Variants in DMD observed in about 807,000 individuals in gnomAD.
The protein encoded by DMD is dystrophin.
DMD carries 63 observed loss-of-function variants against 330.1 expected under a neutral mutation model. The ratio of observed to expected loss-of-function variants is 0.19; its 90% CI spans 0.16 to 0.24. DMD has a LOEUF of 0.24. Ranked by LOEUF, DMD falls within the 10% of genes least tolerant of loss-of-function variation. DMD has a pLI of 1.00. For synonymous variants in DMD, 1,223 were observed against 959.8 expected (o/e 1.27, Z -5.07); for missense variants, 3,344 against 2,684.1 (o/e 1.25, Z -5.43).
At chrX:32,469,956 T>A (rs1278523982) in intron 22 of DMD, among the ~76,000 whole-genome samples, 1 of 111,440 alleles carries the variant, frequency 9.0e-6, no homozygotes, top group Non-Finnish European at 1.9e-5. Flanking sequence ...GGAAATTATA[T>A]TAATGTTGTA....
intron 67 of DMD, among the ~76,000 whole-genome samples, chrX:31,200,401 G>A (rs144706390): frequency 6.5e-4 from 73 of 111,566 alleles, no homozygotes; most frequent in African/African-American, 2.0e-3. Context: ...CTTTAAGGGC[G>A]CAAATAAATT....
chrX:32,053,060 G>C (rs1316406476), intron 44 of DMD, among the ~76,000 whole-genome samples: 1 of 111,523 alleles, frequency 9.0e-6, no homozygotes, highest in East Asian at 2.8e-4. Context: ...CCACACCACT[G>C]CTAGATTTAT....
At chrX:31,927,034 T>TA (rs932501183) in intron 47 of DMD, among the ~76,000 whole-genome samples, 2 of 111,955 alleles carry the variant, frequency 1.8e-5, no homozygotes, top group African/African-American at 6.5e-5. Context: ...CTTTTACTTT[T>TA]AAAAAAACTT....
At chrX:32,830,760 G>A (rs969697084) in intron 4 of DMD, among the ~76,000 whole-genome samples, 4 of 111,520 alleles carry the variant, frequency 3.6e-5, no homozygotes, top group African/African-American at 1.3e-4. Flanking sequence ...GTTTTACACT[G>A]TTATCTTCGG....
chrX:32,689,203 T>C (rs2063096181), intron 9 of DMD, among the ~76,000 whole-genome samples: 1 of 110,903 alleles, frequency 9.0e-6, no homozygotes, highest in South Asian at 3.7e-4. Flanking sequence ...TTACTTACAC[T>C]AAATCATTTT....
chrX:31,339,289 C>T (rs2057593147), intron 61 of DMD, among the ~76,000 whole-genome samples: 1 of 111,608 alleles, frequency 9.0e-6, no homozygotes, highest in African/African-American at 3.3e-5. Context: ...AGAAAAGGGC[C>T]ATGACAACAC....
intron 7 of DMD, among the ~76,000 whole-genome samples, chrX:32,778,434 G>A (rs2074389164): frequency 1.8e-5 from 2 of 110,226 alleles, no homozygotes; most frequent in South Asian, 7.7e-4. Context: ...AAACTGAACA[G>A]AAAAAAAACT....
chrX:33,048,496 C>T (rs1376113648), intron 1 of DMD, among the ~76,000 whole-genome samples: 1 of 109,048 alleles, frequency 9.2e-6, no homozygotes, highest in Non-Finnish European at 1.9e-5. Flanking sequence ...TCAAGACCAG[C>T]GTGCCCAACA....
chrX:32,718,432 A>C (rs1285123163), intron 7 of DMD, among the ~76,000 whole-genome samples: 6 of 111,438 alleles, frequency 5.4e-5, no homozygotes, highest in Non-Finnish European at 3.8e-5. Context: ...AGACCTCCCC[A>C]GCCATGCTTC....
chrX:32,932,899 AAAG>A (rs2089710308), intron 2 of DMD, among the ~76,000 whole-genome samples: 1 of 111,854 alleles, frequency 8.9e-6, no homozygotes, highest in South Asian at 3.7e-4. Flanking sequence ...TTTTCCATCA[AAAG>A]AATTAAGTTG....
At chrX:31,639,475 A>G (rs957805030) in intron 54 of DMD, among the ~76,000 whole-genome samples, 3 of 112,416 alleles carry the variant, frequency 2.7e-5, no homozygotes, top group Admixed American at 1.9e-4. Flanking sequence ...ACTAACTGCC[A>G]TAACGATCCA....
chrX:32,788,937 C>A (rs990120330), intron 7 of DMD, among the ~76,000 whole-genome samples: 9 of 111,603 alleles, frequency 8.1e-5, no homozygotes, highest in Admixed American at 5.7e-4. Context: ...GATAGCAGAA[C>A]ACAGTGATGT....
chrX:32,518,730 T>A (rs996210571), intron 17 of DMD, among the ~76,000 whole-genome samples: 1 of 110,825 alleles, frequency 9.0e-6, no homozygotes. Context: ...GGAAACTTGA[T>A]CTGTCCATGT....
chrX:31,912,549 G>T (rs892906548), intron 47 of DMD, among the ~76,000 whole-genome samples: 6 of 111,654 alleles, frequency 5.4e-5, no homozygotes, highest in Admixed American at 4.7e-4. Flanking sequence ...ATTTCTTCTT[G>T]GCAAAAATGT....
chrX:32,632,830 C>A (rs933017993), intron 11 of DMD, among the ~76,000 whole-genome samples: 8 of 112,450 alleles, frequency 7.1e-5, no homozygotes, highest in African/African-American at 2.3e-4. Flanking sequence ...CCTCTTAGGC[C>A]TCCGGATCTA....
chrX:33,266,391 T>C (rs2053042072), intron 1 of DMD, among the ~76,000 whole-genome samples: 1 of 111,960 alleles, frequency 8.9e-6, no homozygotes, highest in African/African-American at 3.2e-5. Context: ...CATTATGTTC[T>C]CTATAGAAAA....
At chrX:33,286,333 C>A (rs1249097256) in intron 1 of DMD, among the ~76,000 whole-genome samples, 8 of 111,649 alleles carry the variant, frequency 7.2e-5, no homozygotes, top group Non-Finnish European at 1.5e-4. Context: ...CCAACTTACT[C>A]AACTTATTTA....
chrX:32,276,662 G>T (rs1184253874), intron 43 of DMD, among the ~76,000 whole-genome samples: 1 of 111,533 alleles, frequency 9.0e-6, no homozygotes, highest in African/African-American at 3.3e-5. Flanking sequence ...GCTCACGCCT[G>T]TAATCCTAGC....
At chrX:32,841,148 T>C (rs1452401642) in intron 4 of DMD, among the ~76,000 whole-genome samples, 2 of 111,422 alleles carry the variant, frequency 1.8e-5, no homozygotes, top group Non-Finnish European at 3.8e-5. Context: ...ACTGCTGAGG[T>C]TAAACATTTC....
Sources: gnomAD v4.1 joint callset for allele counts (sites outside exome capture counted in the v4.1 genomes callset) on GRCh38, gnomAD v4.1.1 for gene constraint, MANE v1.5 for transcripts, NCBI Gene and HGNC (gene_info 2026-07-23, HGNC 2026-07-21) for gene names.